The following CYYR1 variants were observed in gnomAD, a reference collection of about 807,000 sequenced individuals.
CYYR1 encodes cysteine and tyrosine rich 1, also known as cysteine and tyrosine-rich protein 1.
Under a neutral mutation model 15.2 loss-of-function variants are expected in CYYR1, and 14 were observed. The ratio of observed to expected loss-of-function variants is 0.92; its 90% confidence interval spans 0.61 to 1.44. CYYR1 has a LOEUF of 1.44. CYYR1 is among the 40% of genes most tolerant of loss of function. CYYR1 has a pLI of 0.00. For missense variants in CYYR1, 228 were observed against 209.5 expected (o/e 1.09, Z -0.54); for synonymous variants, 80 against 77.4 (o/e 1.03, Z -0.18).
chr21:26,573,226 C>T lies in CYYR1; in HGVS notation c.-286G>A. 3 of 1,409,798 alleles carry T rather than the reference C, an allele frequency of 2.1e-6. No homozygotes were observed. Among genetic ancestry groups the T allele is most frequent in the Non-Finnish European group, 2.8e-6 (3 of 1,071,748 alleles). 87.3% of individuals were successfully genotyped at this position (1,409,798 alleles called of 1,614,324 possible). Reference sequence around the variant, plus strand: ...CTGCGCTCAGGCGCGGGGAAGGCGGCCACTCCGGCGTCCTTGGCCACCCAG... The same window carrying T: ...CTGCGCTCAGGCGCGGGGAAGGCGGTCACTCCGGCGTCCTTGGCCACCCAG... On this transcript the variant is annotated 5_prime_UTR_variant, in exon 1 of 4. It introduces an in-frame stop codon into an upstream open reading frame of the 5' UTR. Coordinates refer to ENST00000652641, the MANE Select transcript of CYYR1 (RefSeq NM_001320768.2).
chr21:26,491,167 C>T (rs1214085008), intron 2 of CYYR1, among the ~76,000 whole-genome samples: 1 of 152,150 alleles, frequency 6.6e-6, no homozygotes, highest in African/African-American at 2.4e-5. Context: ...CATTCCAAGC[C>T]TAAAAAATCT....
chr21:26,498,779 G>A (rs1011325892), intron 2 of CYYR1, among the ~76,000 whole-genome samples: 3 of 152,250 alleles, frequency 2.0e-5, no homozygotes, highest in East Asian at 3.9e-4. Flanking sequence ...AAGCAAACAC[G>A]TTCTTCTTCA....
intron 3 of CYYR1, 109 bp from the exon 4 acceptor site, chr21:26,468,743 CA>C (rs1193081995): frequency 4.9e-6 from 4 of 815,200 alleles, no homozygotes; most frequent in Non-Finnish European, 5.8e-6. Flanking sequence ...ATTGTGGCTG[CA>C]AAAATCTTAG....
At chr21:26,556,453 G>A (rs1412616624) in intron 2 of CYYR1, among the ~76,000 whole-genome samples, 1 of 152,148 alleles carries the variant, frequency 6.6e-6, no homozygotes, top group Non-Finnish European at 1.5e-5. Context: ...TAACAGGATA[G>A]TGTATTAGTC....
At position 26,488,240 on chromosome 21, in the gene CYYR1, ACTTCCTTC is replaced by A. The variant is rs71336135; in HGVS notation, c.177-7819_177-7812del. ...TAAAATAAAGACTACATCTTCCCCT[ACTTCCTTC>A]CTTCCTTCCTTCCTTCCTTCCTTCC... is the stretch of plus-strand genomic sequence containing the variant. On this transcript the variant is annotated intron_variant, in intron 2 of 3. Transcript: ENST00000652641. Among the ~76,000 whole-genome samples the A allele has an allele frequency of 3.6e-3, 503 of 139,416 alleles. 3 individuals carry two copies. Among genetic ancestry groups the A allele is most frequent in the East Asian group, 0.032 (155 of 4,844 alleles). The allele number at this position is 139,416 out of a possible 152,430, so 91.5% of individuals were successfully genotyped here.
At chr21:26,515,745 T>C (rs780710431) in intron 2 of CYYR1, among the ~76,000 whole-genome samples, 2 of 152,236 alleles carry the variant, frequency 1.3e-5, no homozygotes, top group Non-Finnish European at 2.9e-5. Flanking sequence ...CAAAAGAGTT[T>C]GCACTTATCC....
intron 2 of CYYR1, among the ~76,000 whole-genome samples, chr21:26,557,499 C>T (rs1011871830): frequency 2.8e-4 from 42 of 152,220 alleles, no homozygotes; most frequent in Admixed American, 2.7e-3. Context: ...TGATTGTCCC[C>T]ACCACCACAA....
At chr21:26,495,300 C>G (rs1462769472) in intron 2 of CYYR1, among the ~76,000 whole-genome samples, 1 of 152,168 alleles carries the variant, frequency 6.6e-6, no homozygotes, top group African/African-American at 2.4e-5. Context: ...ACAGATCCAT[C>G]TAAATCAAGT....
chr21:26,522,490 T>G (rs1014017962), intron 2 of CYYR1, among the ~76,000 whole-genome samples: 6 of 152,254 alleles, frequency 3.9e-5, no homozygotes, highest in African/African-American at 1.4e-4. Flanking sequence ...ATAGACAGTT[T>G]GCTTGCAAAA....
At chr21:26,493,600 G>C (rs1015642784) in intron 2 of CYYR1, among the ~76,000 whole-genome samples, 3 of 152,160 alleles carry the variant, frequency 2.0e-5, no homozygotes, top group Admixed American at 6.6e-5. Context: ...TCTGGAGGAA[G>C]TTTATTCCAC....
At chr21:26,495,142 T>A (rs2065378773) in intron 2 of CYYR1, among the ~76,000 whole-genome samples, 1 of 152,228 alleles carries the variant, frequency 6.6e-6, no homozygotes, top group African/African-American at 2.4e-5. Context: ...ATAACTTATG[T>A]TGCCTATGTG....
intron 2 of CYYR1, among the ~76,000 whole-genome samples, chr21:26,559,676 T>C (rs543086861): frequency 7.0e-4 from 106 of 152,290 alleles, no homozygotes; most frequent in African/African-American, 2.4e-3. Flanking sequence ...TTTATGCATA[T>C]GGATAGCTAG....
chr21:26,504,406 G>T (rs2123487666), intron 2 of CYYR1, among the ~76,000 whole-genome samples: 1 of 152,118 alleles, frequency 6.6e-6, no homozygotes, highest in Non-Finnish European at 1.5e-5. Flanking sequence ...GAGTAGCTGG[G>T]ATTACAGGCG....
intron 2 of CYYR1, among the ~76,000 whole-genome samples, chr21:26,522,908 C>T (rs112591825): frequency 0.022 from 3,278 of 152,196 alleles, 50 homozygotes; most frequent in African/African-American, 0.035. Flanking sequence ...GGCATGAAAG[C>T]GTGAATGTTC....
chr21:26,481,007 C>T (rs1173433587), intron 2 of CYYR1, among the ~76,000 whole-genome samples: 1 of 151,936 alleles, frequency 6.6e-6, no homozygotes, highest in African/African-American at 2.4e-5. Flanking sequence ...TCAGGAAGAA[C>T]ATAAATAAAA....
At chr21:26,552,833 C>T (rs1979490923) in intron 2 of CYYR1, among the ~76,000 whole-genome samples, 1 of 152,088 alleles carries the variant, frequency 6.6e-6, no homozygotes, top group Admixed American at 6.6e-5. Flanking sequence ...ATTGAATGTG[C>T]TATCATACAT....
intron 1 of CYYR1, among the ~76,000 whole-genome samples, chr21:26,572,630 T>C (rs754593763): frequency 9.2e-5 from 14 of 151,680 alleles, no homozygotes; most frequent in Non-Finnish European, 1.8e-4. Context: ...ATTTCCAAGG[T>C]GGAAAGGGAA....
intron 2 of CYYR1, chr21:26,551,252 C>T (rs1460496852): frequency 6.6e-6 from 1 of 152,326 alleles, no homozygotes; most frequent in Admixed American, 6.6e-5. Context: ...CACCCAAGAG[C>T]TCTGATGGAG....
chr21:26,485,139 T>C (rs2065233253), intron 2 of CYYR1, among the ~76,000 whole-genome samples: 1 of 151,852 alleles, frequency 6.6e-6, no homozygotes, highest in African/African-American at 2.4e-5. Flanking sequence ...AGGGAATGTA[T>C]TTTTTTTAAA....
Sources: allele counts gnomAD v4.1 joint callset (sites outside exome capture counted in the v4.1 genomes callset), GRCh38; gene constraint gnomAD v4.1.1; transcripts MANE v1.5; gene names NCBI Gene and HGNC (gene_info 2026-07-23, HGNC 2026-07-21).